The following SAMD10 variants were observed in gnomAD, a reference collection of about 807,000 sequenced individuals.
SAMD10 encodes the protein sterile alpha motif domain containing 10, also known as sterile alpha motif domain-containing protein 10.
SAMD10 carries 16 observed loss-of-function variants against 22.5 expected under a neutral mutation model. The observed-to-expected ratio is 0.71, with a 90% CI of 0.48 to 1.08. The LOEUF is 1.08. Ranked by LOEUF, SAMD10 falls within the 50% of genes least tolerant of loss-of-function variation. The pLI is 0.00. For synonymous variants in SAMD10, 118 were observed against 122.2 expected (o/e 0.97, Z 0.23); for missense variants, 227 against 281.3 (o/e 0.81, Z 1.38).
chr20:63,979,231 A>C lies in SAMD10; in HGVS notation c.91+146T>G. The C allele has an allele frequency of 3.7e-6, 2 of 547,182 alleles. No homozygotes were observed. The highest frequency in any genetic ancestry group is 3.0e-6 in the Non-Finnish European group (1 of 337,538). The allele number at this position is 547,182 out of a possible 1,614,324, so 33.9% of individuals were successfully genotyped here. A position where few individuals can be genotyped will look rare whatever the true frequency, so the allele number is the denominator to read the frequency against. The stretch of plus-strand genomic sequence containing the variant: ...TGCCCCCTAAAGCAGGACAAAGGCT[A>C]CGGGACCCCGTTGAGCCGAGACATC... On this transcript the variant is annotated intron_variant, in intron 1 of 4. Coordinates refer to ENST00000369886, the MANE Select transcript of SAMD10 (RefSeq NM_080621.5). This position sits in a 1 kb window ranked among gnomAD's most constrained non-coding sequence, Gnocchi z 7.7.
rs1293025765 is a variant in SAMD10 at position 63,977,110 on chromosome 20, G to A, written c.306C>T (p.Tyr102=). The A allele has an allele frequency of 1.2e-6, 2 of 1,614,092 alleles. No individual in the cohort carries two copies. The highest frequency in any genetic ancestry group is 1.7e-6 in the Non-Finnish European group (2 of 1,180,014). Residue 102 remains tyrosine, a synonymous_variant, in exon 3 of 5, where the codon TAC becomes TAT. Coordinates refer to ENST00000369886, the MANE Select transcript of SAMD10 (RefSeq NM_080621.5). This position sits in a 1 kb window ranked among gnomAD's most constrained non-coding sequence, Gnocchi z 5.4. ...GRLYSDHYGL[Y]HTSPSLGGLT... ...GGCCACCCAGCGAGGGGCTTGTATG[G>A]TACAGGCCATAGTGGTCAGAGTACA...
Position 63,977,227 on chromosome 20 carries a change from G to C in SAMD10, c.271C>G (p.Gln91Glu), listed in dbSNP as rs1384161908. The C allele has an allele frequency of 6.2e-7, 1 of 1,613,254 alleles. No individual in the cohort carries two copies. The highest frequency in any genetic ancestry group is 8.5e-7 in the Non-Finnish European group (1 of 1,179,810). The change falls in exon 2 of 5, where the codon CAG becomes GAG. Residue 91 changes from glutamine (Q) to glutamate (E), a missense_variant and splice_region_variant. Coordinates refer to ENST00000369886, the MANE Select transcript of SAMD10 (RefSeq NM_080621.5). The surrounding 1 kb of genome is among the most constrained non-coding windows in gnomAD (Gnocchi z 5.4). Reference protein sequence around the residue: ...LLQQPGTDTPQGRLYSDHYGL... With the variant: ...LLQQPGTDTPEGRLYSDHYGL... ...AGGTGGGTGGAGTGGGTGGGTACCTGGGGGGTGTCTGTGCCGGGCTGCTGC... is the reference window on the plus strand; with the variant it reads ...AGGTGGGTGGAGTGGGTGGGTACCTCGGGGGTGTCTGTGCCGGGCTGCTGC...
rs1023997145 is a variant in SAMD10, at chr20:63,976,821, C to A, written c.445+150G>T. On this transcript the variant is annotated intron_variant, in intron 3 of 4. Coordinates refer to ENST00000369886, the MANE Select transcript of SAMD10 (RefSeq NM_080621.5). ...GGCAGAGAGATAGAAAAGACAGATT[C>A]TGCGGAGATGAAGAACAGAGGGGAG... 6 of 426,330 alleles carry A rather than the reference C, an allele frequency of 1.4e-5. No homozygotes were observed. The Admixed American group carries it at 2.1e-4, about 15-fold the overall frequency. 26.4% of individuals were successfully genotyped at this position (426,330 alleles called of 1,614,324 possible).
Position 63,977,523 on chromosome 20 carries a change from A to G in SAMD10, c.92-117T>C, listed in dbSNP as rs183433857. On this transcript the variant is annotated intron_variant, in intron 1 of 4. Transcript: ENST00000369886. The surrounding 1 kb of genome is among the most constrained non-coding windows in gnomAD (Gnocchi z 5.4). ...ACTAGTGCGGGAAATCACCTCCCCA[A>G]TGAGGGGTTCCCAAGCCTCCAAAGG... 5.5e-5 allele frequency: 58 copies of G among 1,051,470 alleles called. No individual in the cohort carries two copies. Among genetic ancestry groups the G allele is most frequent in the South Asian group, 1.1e-4 (7 of 65,662 alleles). 65.1% of individuals were successfully genotyped at this position (1,051,470 alleles called of 1,614,324 possible). A position where few individuals can be genotyped will look rare whatever the true frequency, so the allele number is the denominator to read the frequency against.
chr20:63,975,623 G>A (rs547688322), intron 4 of SAMD10, 69 bp downstream of exon 4: 25 of 1,578,346 alleles, frequency 1.6e-5, no homozygotes, highest in Non-Finnish European at 2.1e-5. Context: ...ACCTCCTGAG[G>A]TCATCCCACC....
chr20:63,979,475 G>A lies in SAMD10; in HGVS notation c.-8C>T. On this transcript the variant is annotated 5_prime_UTR_variant, in exon 1 of 5. Coordinates refer to ENST00000369886, the MANE Select transcript of SAMD10 (RefSeq NM_080621.5). This position sits in a 1 kb window ranked among gnomAD's most constrained non-coding sequence, Gnocchi z 7.7. ...CCTCAGCTCGGTGAACATGGGGCCCGCGGGTGCCAGGCCCGCGCACACGCC... is the reference window on the plus strand; with the variant it reads ...CCTCAGCTCGGTGAACATGGGGCCCACGGGTGCCAGGCCCGCGCACACGCC... 3 of 1,380,118 alleles carry A rather than the reference G, an allele frequency of 2.2e-6. No individual in the cohort carries two copies. The highest frequency in any genetic ancestry group is 1.6e-5 in the South Asian group (1 of 64,470). 85.5% of individuals were successfully genotyped at this position (1,380,118 alleles called of 1,614,324 possible).
Position 63,977,028 on chromosome 20 carries a change from GCTT to G in SAMD10, c.385_387del (p.Lys129del). On this transcript the variant is annotated inframe_deletion, in exon 3 of 5. Coordinates refer to ENST00000369886, the MANE Select transcript of SAMD10 (RefSeq NM_080621.5). The surrounding 1 kb of genome is among the most constrained non-coding windows in gnomAD (Gnocchi z 5.4). ...TAGACGAGGTAGTTGTGGGGACAGT[GCTT>G]CTTGAGCCACTTGCAGACGTCCTGC... 1 of 1,614,166 alleles carries G rather than the reference GCTT, an allele frequency of 6.2e-7. No homozygotes were observed. Among genetic ancestry groups the G allele is most frequent in the Non-Finnish European group, 8.5e-7 (1 of 1,180,034 alleles).
Position 63,975,490 on chromosome 20 carries a change from G to T in SAMD10, c.*20C>A, listed in dbSNP as rs747913170. The T allele has an allele frequency of 6.2e-7, 1 of 1,610,666 alleles. No individual in the cohort carries two copies. Among genetic ancestry groups the T allele is most frequent in the South Asian group, 1.1e-5 (1 of 90,676 alleles). On this transcript the variant is annotated 3_prime_UTR_variant, in exon 5 of 5. Coordinates refer to ENST00000369886, the MANE Select transcript of SAMD10 (RefSeq NM_080621.5). ...ACTCCCATCACAGTGCTGGGGTCTG[G>T]GTTCAAGCCTCAGCAGCAGCTAGGA...
At position 63,977,004 on chromosome 20, in the gene SAMD10, A is replaced by G. The variant is rs1230085587; in HGVS notation, c.412T>C (p.Tyr138His). Residue 138 changes from tyrosine to histidine, a missense_variant, in exon 3 of 5, where the codon TAC (tyrosine) becomes CAC (histidine). Coordinates refer to ENST00000369886, the MANE Select transcript of SAMD10 (RefSeq NM_080621.5). The surrounding 1 kb of genome is among the most constrained non-coding windows in gnomAD (Gnocchi z 5.4). ...KKHCPHNYLVYVEAFSQHAIT... is the reference protein window; with the variant it reads ...KKHCPHNYLVHVEAFSQHAIT... Reference sequence around the variant, plus strand: ...GCATGCTGGGAGAAGGCCTCCACGTAGACGAGGTAGTTGTGGGGACAGTGC... The same window carrying G: ...GCATGCTGGGAGAAGGCCTCCACGTGGACGAGGTAGTTGTGGGGACAGTGC... 4 of 1,614,040 alleles carry G rather than the reference A, an allele frequency of 2.5e-6. No homozygotes were observed. Among genetic ancestry groups the G allele is most frequent in the African/African-American group, 2.7e-5 (2 of 74,918 alleles).
chr20:63,978,386 C>A (rs1601500794), intron 1 of SAMD10: 1 of 1,068,714 alleles, frequency 9.4e-7, no homozygotes, highest in Non-Finnish European at 1.3e-6. Context: ...AAGGTGGGCA[C>A]AGGCCTGCCC....
Position 63,979,028 on chromosome 20 carries a change from C to G in SAMD10, c.91+349G>C, listed in dbSNP as rs1461149877. ...TCCAGAAGGAAATGGGGCGGGGGCACCGAGGCGGGATGTGACCTCGGCCCC... is the reference window on the plus strand; with the variant it reads ...TCCAGAAGGAAATGGGGCGGGGGCAGCGAGGCGGGATGTGACCTCGGCCCC... On this transcript the variant is annotated intron_variant, in intron 1 of 4. Coordinates refer to ENST00000369886, the MANE Select transcript of SAMD10 (RefSeq NM_080621.5). The surrounding 1 kb of genome is among the most constrained non-coding windows in gnomAD (Gnocchi z 7.7). 6.6e-6 allele frequency among the ~76,000 whole-genome samples: 1 copy of G among 152,194 alleles called. No individual in the cohort carries two copies. Among genetic ancestry groups the G allele is most frequent in the Non-Finnish European group, 1.5e-5 (1 of 68,032 alleles).
chr20:63,976,946 C>T (rs759862424), intron 3 of SAMD10, 25 bp downstream of exon 3: 2 of 1,612,684 alleles, frequency 1.2e-6, no homozygotes, highest in South Asian at 1.1e-5. Flanking sequence ...GCCCCACTCC[C>T]ACAGCACCCT....
Position 63,975,726 on chromosome 20 carries a change from A to G in SAMD10, c.552T>C (p.Arg184=), listed in dbSNP as rs376111069. ...VLQQVLRLQV[R]EEGRSLQLLS... Reference sequence around the variant, plus strand: ...GCAGCTGCAGGCTCCGCCCCTCCTCACGCACCTGCAGGCGGAGCACCTGCT... The same window carrying G: ...GCAGCTGCAGGCTCCGCCCCTCCTCGCGCACCTGCAGGCGGAGCACCTGCT... Residue 184 remains arginine (R), a synonymous_variant, in exon 4 of 5, where the codon CGT becomes CGC. Transcript: ENST00000369886. The G allele has an allele frequency of 2.2e-4, 346 of 1,606,318 alleles. 1 individual carries two copies. Among genetic ancestry groups the G allele is most frequent in the Non-Finnish European group, 2.8e-4 (325 of 1,178,918 alleles).
intron 1 of SAMD10, among the ~76,000 whole-genome samples, chr20:63,978,650 A>G (rs942839520): frequency 6.6e-6 from 1 of 152,190 alleles, no homozygotes; most frequent in African/African-American, 2.4e-5. Context: ...CATTCTTGCA[A>G]CTTTCAGGAA....
rs971220799 is a variant in SAMD10 at position 63,977,625 on chromosome 20, T to C, written c.92-219A>G. ...AGAAGAACTGGAAACACCTTTCATC[T>C]TGCAAGTCTACAGCCCTCACCCAGG... On this transcript the variant is annotated intron_variant, in intron 1 of 4. Coordinates refer to ENST00000369886, the MANE Select transcript of SAMD10 (RefSeq NM_080621.5). This position sits in a 1 kb window ranked among gnomAD's most constrained non-coding sequence, Gnocchi z 5.4. Among the ~76,000 whole-genome samples, 1 of 152,216 alleles carries C rather than the reference T, an allele frequency of 6.6e-6. No homozygotes were observed. Among genetic ancestry groups the C allele is most frequent in the African/African-American group, 2.4e-5 (1 of 41,462 alleles).
At chr20:63,978,291 G>C in intron 1 of SAMD10, 1 of 1,302,494 alleles carries the variant, frequency 7.7e-7, no homozygotes, top group Non-Finnish European at 1.0e-6. Flanking sequence ...GGTTACAGAG[G>C]GGCACCCCAC....
Position 63,974,160 on chromosome 20 carries a change from T to G in SAMD10, c.*1350A>C, listed in dbSNP as rs2059005429. The stretch of plus-strand genomic sequence containing the variant: ...TTCTGATTTTTTTTTTTTGTCAGAG[T>G]ATAAAAAAGTGAGTGCAGCAAAACA... On this transcript the variant is annotated 3_prime_UTR_variant, in exon 5 of 5. Transcript: ENST00000369886. The G allele has an allele frequency of 1.3e-5, 2 of 149,224 alleles. No individual in the cohort carries two copies. 9.2% of individuals were successfully genotyped at this position (149,224 alleles called of 1,614,324 possible).
At chr20:63,978,902 C>A (rs578126647) in intron 1 of SAMD10, among the ~76,000 whole-genome samples, 1 of 152,310 alleles carries the variant, frequency 6.6e-6, no homozygotes, top group East Asian at 1.9e-4. Flanking sequence ...GCACCTGCCC[C>A]GGCCAAGCAG....
chr20:63,975,780 G>C lies in SAMD10; in HGVS notation c.498C>G (p.Ala166=). 1 of 1,604,538 alleles carries C rather than the reference G, an allele frequency of 6.2e-7. No individual in the cohort carries two copies. Among genetic ancestry groups the C allele is most frequent in the South Asian group, 1.1e-5 (1 of 90,940 alleles). ...NAEKLQRMGL[A]QEAQRQEVLQ... ...GCACCTCCTGCCTCTGGGCCTCCTGGGCCAGCCCCATCCGCTGCAGCTTCT... is the reference window on the plus strand; with the variant it reads ...GCACCTCCTGCCTCTGGGCCTCCTGCGCCAGCCCCATCCGCTGCAGCTTCT... The change falls in exon 4 of 5, where the codon GCC becomes GCG. Residue 166 remains alanine, a synonymous_variant. Transcript: ENST00000369886.
Sources: gnomAD v4.1 joint callset for allele counts (sites outside exome capture counted in the v4.1 genomes callset) on GRCh38, gnomAD v4.1.1 for gene constraint, Gnocchi (gnomAD v3.1) non-coding constraint, MANE v1.5 for transcripts, NCBI Gene and HGNC (gene_info 2026-07-23, HGNC 2026-07-21) for gene names.